Variants in NFIC observed in about 807,000 individuals in gnomAD.
NFIC encodes nuclear factor 1 C-type.
NFIC carries 12 observed loss-of-function variants against 54.4 expected under a neutral mutation model. The observed-to-expected ratio is 0.22, with a 90% CI of 0.14 to 0.36. The LOEUF (loss-of-function observed/expected upper bound fraction) is 0.36. Ranked by LOEUF, NFIC falls within the 10% of genes least tolerant of loss-of-function variation. The probability of loss-of-function intolerance (pLI) is 1.00; values close to 1 mark genes in which losing one functional copy is unlikely to be tolerated. For missense variants in NFIC, 575 were observed against 718.2 expected, an observed-to-expected ratio of 0.80 and a Z score of 2.28; for synonymous variants, 322 against 319.2, an observed-to-expected ratio of 1.01 and a Z score of -0.09.
chr19:3,403,416 C>T (rs576799412), intron 2 of NFIC, among the ~76,000 whole-genome samples: 5 of 152,346 alleles, frequency 3.3e-5, no homozygotes, highest in Admixed American at 2.0e-4. Flanking sequence ...GAACACTCCA[C>T]AATCTGATGT....
chr19:3,383,471 C>T (rs796807173), intron 2 of NFIC, among the ~76,000 whole-genome samples: 1 of 152,190 alleles, frequency 6.6e-6, no homozygotes, highest in African/African-American at 2.4e-5. Context: ...GTTGGTCCTG[C>T]AGCTTCTTGG....
chr19:3,456,496 C>T (rs1660815200), intron 9 of NFIC, 54 bp from the exon 10 acceptor site: 1 of 1,535,036 alleles, frequency 6.5e-7, no homozygotes, highest in African/African-American at 1.4e-5. Context: ...CCAGGGCCGC[C>T]CCGGCTCCCA....
chr19:3,416,774 C>T (rs1037352343), intron 2 of NFIC, among the ~76,000 whole-genome samples: 2 of 151,770 alleles, frequency 1.3e-5, no homozygotes, highest in Non-Finnish European at 2.9e-5. Context: ...TCCACCGCCT[C>T]GGCCTCCCAA....
chr19:3,435,021 C>T (rs2082176982), intron 5 of NFIC, 62 bp from the exon 6 acceptor site: 1 of 1,492,060 alleles, frequency 6.7e-7, no homozygotes, highest in Non-Finnish European at 9.0e-7. Context: ...CAAAGCCCGC[C>T]GTCGCGCCCC....
intron 2 of NFIC, among the ~76,000 whole-genome samples, chr19:3,384,316 C>T (rs564932796): frequency 5.9e-5 from 9 of 152,164 alleles, no homozygotes; most frequent in Admixed American, 6.6e-5. Flanking sequence ...ATCCTCCCAC[C>T]TTGGCCTCCC....
rs1429698281 is a variant in NFIC, at chr19:3,464,775, T to A, written c.*2006T>A. 1 of 929,180 alleles carries A rather than the reference T, an allele frequency of 1.1e-6. No individual in the cohort carries two copies. Among genetic ancestry groups the A allele is most frequent in the African/African-American group, 1.8e-5 (1 of 56,100 alleles). The allele number at this position is 929,180 out of a possible 1,614,324, so 57.6% of individuals were successfully genotyped here. On this transcript the variant is annotated 3_prime_UTR_variant, in exon 11 of 11. Coordinates refer to ENST00000443272, the MANE Select transcript of NFIC (RefSeq NM_001245002.2). ...CACCCCCAAGAGAGGTTCGCCATCCTCTGGCCTCGAGCCCTTGGTCCCTCC... is the reference window on the plus strand; with the variant it reads ...CACCCCCAAGAGAGGTTCGCCATCCACTGGCCTCGAGCCCTTGGTCCCTCC...
intron 2 of NFIC, among the ~76,000 whole-genome samples, chr19:3,399,840 T>A (rs1275782217): frequency 6.6e-6 from 1 of 151,510 alleles, no homozygotes; most frequent in Non-Finnish European, 1.5e-5. Context: ...CACTGCACTC[T>A]AGCCTGGGTG....
In NFIC at chr19:3,459,610, CCCCCA is replaced by C. The variant is rs990764028; in HGVS notation, c.1509+2985_1509+2989del. ...GTGGGAGGATGTGGAGTTGAGGGTGCCCCCACCCCACCCCCGCCCCATTGCTGGGG... is the reference window on the plus strand; with the variant it reads ...GTGGGAGGATGTGGAGTTGAGGGTGCCCCCACCCCCGCCCCATTGCTGGGG... On this transcript the variant is annotated intron_variant, in intron 10 of 10. Coordinates refer to ENST00000443272, the MANE Select transcript of NFIC (RefSeq NM_001245002.2). This position sits in a 1 kb window ranked among gnomAD's most constrained non-coding sequence, Gnocchi z 4.2. 2.0e-5 allele frequency among the ~76,000 whole-genome samples: 3 copies of C among 152,132 alleles called. No individual in the cohort carries two copies. Among genetic ancestry groups the C allele is most frequent in the African/African-American group, 4.8e-5 (2 of 41,428 alleles).
rs1304456817 is a variant in NFIC, at chr19:3,375,029, G to A, written c.31-6683G>A. ...CAGAGAAGGGGAGGAACATAGAGAA[G>A]GGAGGGACAGTTAGGGAGGAGGAAG... On this transcript the variant is annotated intron_variant, in intron 1 of 10. Coordinates refer to ENST00000443272, the MANE Select transcript of NFIC (RefSeq NM_001245002.2). The surrounding 1 kb of genome is among the most constrained non-coding windows in gnomAD (Gnocchi z 4.6). Among the ~76,000 whole-genome samples, 1 of 151,908 alleles carries A rather than the reference G, an allele frequency of 6.6e-6. No individual in the cohort carries two copies. The highest frequency in any genetic ancestry group is 1.5e-5 in the Non-Finnish European group (1 of 67,974).
rs987082130 is a variant in NFIC at position 3,370,966 on chromosome 19, G to T, written c.30+4300G>T. ...ATGAGCACACGCTGGGCGCACACGC[G>T]TGCACACTCCCTGACACCCATACGG... On this transcript the variant is annotated intron_variant, in intron 1 of 10. Transcript: ENST00000443272. The surrounding 1 kb of genome is among the most constrained non-coding windows in gnomAD (Gnocchi z 5.2). 7.9e-5 allele frequency among the ~76,000 whole-genome samples: 12 copies of T among 152,202 alleles called. No individual in the cohort carries two copies. The highest frequency in any genetic ancestry group is 2.4e-4 in the African/African-American group (10 of 41,446).
intron 7 of NFIC, among the ~76,000 whole-genome samples, chr19:3,451,281 T>G (rs1055155459): frequency 6.6e-6 from 1 of 152,066 alleles, no homozygotes; most frequent in Admixed American, 6.6e-5. Context: ...GATGTATGGG[T>G]GCTGGGGCTG....
At chr19:3,365,727 C>G (rs148713401), upstream of NFIC, among the ~76,000 whole-genome samples, 1 of 152,182 alleles carries the variant, frequency 6.6e-6, no homozygotes, top group Non-Finnish European at 1.5e-5. Flanking sequence ...CTGGAGATCC[C>G]GCCTGGACAC....
At chr19:3,426,623 C>T (rs1369233291) in intron 3 of NFIC, among the ~76,000 whole-genome samples, 1 of 152,102 alleles carries the variant, frequency 6.6e-6, no homozygotes, top group Non-Finnish European at 1.5e-5. Flanking sequence ...GGGTAAAAGC[C>T]CAGGTCCTCC....
chr19:3,460,616 C>T (rs1033131595), intron 10 of NFIC, among the ~76,000 whole-genome samples: 15 of 152,054 alleles, frequency 9.9e-5, no homozygotes, highest in African/African-American at 3.4e-4. Context: ...TGGATTCAGA[C>T]GATTCTGCTG....
In NFIC at chr19:3,434,337, C is replaced by T. The variant is rs780165033; in HGVS notation, c.770C>T (p.Ala257Val). The change falls in exon 5 of 11, where the codon GCA (alanine) becomes GTA (valine). Residue 257 changes from alanine to valine, a missense_variant. By Grantham distance (64) the Ala-to-Val change is moderately conservative (BLOSUM62 0). Coordinates refer to ENST00000443272, the MANE Select transcript of NFIC (RefSeq NM_001245002.2). ...CTGGGGGAGCTGCAGGGGCACCTGG[C>T]ATACGACCTGAACCCAGCCAGCACT... ...FSLGELQGHLAYDLNPASTGL... is the reference protein window; with the variant it reads ...FSLGELQGHLVYDLNPASTGL... 5 of 1,613,356 alleles carry T rather than the reference C, an allele frequency of 3.1e-6. No individual in the cohort carries two copies. The highest frequency in any genetic ancestry group is 4.2e-6 in the Non-Finnish European group (5 of 1,179,892).
intron 2 of NFIC, among the ~76,000 whole-genome samples, chr19:3,405,749 G>GC (rs1242015693): frequency 1.3e-5 from 2 of 151,830 alleles, no homozygotes; most frequent in African/African-American, 4.8e-5. Flanking sequence ...ACAGGTGCCT[G>GC]CCACTACACC....
intron 10 of NFIC, among the ~76,000 whole-genome samples, chr19:3,457,597 G>A (rs532628477): frequency 3.3e-5 from 5 of 152,274 alleles, no homozygotes; most frequent in South Asian, 2.1e-4. Flanking sequence ...CCACAGGCCC[G>A]GGAGGTCCAG....
rs148748813 is a variant in NFIC at position 3,381,789 on chromosome 19, G to A, written c.108G>A (p.Ala36=). 22 of 1,613,960 alleles carry A rather than the reference G, an allele frequency of 1.4e-5. No homozygotes were observed. The highest frequency in any genetic ancestry group is 1.7e-5 in the Non-Finnish European group (20 of 1,179,968). Residue 36 remains alanine, a synonymous_variant, in exon 2 of 11, where the codon GCG becomes GCA. Coordinates refer to ENST00000443272, the MANE Select transcript of NFIC (RefSeq NM_001245002.2). ...AFAYTWFNLQ[A]RKRKYFKKHE... Reference sequence around the variant, plus strand: ...CCTACACCTGGTTCAACCTGCAGGCGCGGAAGCGCAAGTACTTCAAGAAGC... The same window carrying A: ...CCTACACCTGGTTCAACCTGCAGGCACGGAAGCGCAAGTACTTCAAGAAGC...
At position 3,434,352 on chromosome 19, in the gene NFIC, C is replaced by T. The variant is rs1221080488; in HGVS notation, c.785C>T (p.Pro262Leu). Residue 262 changes from proline (P) to leucine (L), a missense_variant, in exon 5 of 11, where the codon CCA becomes CTA. Transcript: ENST00000443272. ...LQGHLAYDLN[P>L]ASTGLRRTLP... is the part of the protein sequence containing the mutation. ...GGGCACCTGGCATACGACCTGAACC[C>T]AGCCAGCACTGGCCTCAGAAGAACG... is the stretch of plus-strand genomic sequence containing the variant. 1.2e-6 allele frequency: 2 copies of T among 1,613,552 alleles called. No homozygotes were observed. The highest frequency in any genetic ancestry group is 1.1e-5 in the South Asian group (1 of 91,032).
Sources: allele counts gnomAD v4.1 joint callset (sites outside exome capture counted in the v4.1 genomes callset), GRCh38; gene constraint gnomAD v4.1.1; non-coding constraint Gnocchi (gnomAD v3.1); transcripts MANE v1.5; gene names NCBI Gene and HGNC (gene_info 2026-07-23, HGNC 2026-07-21).